Variants in CREB5 observed in about 807,000 individuals in gnomAD.
CREB5 encodes cAMP responsive element binding protein 5, also known as cyclic AMP-responsive element-binding protein 5.
A neutral mutation model predicts 57.1 loss-of-function variants in CREB5; 19 were observed. The ratio of observed to expected loss-of-function variants is 0.33; its 90% CI spans 0.23 to 0.49. CREB5 has a LOEUF of 0.49. CREB5 is among the 20% of genes least tolerant of loss of function. The probability of loss-of-function intolerance (pLI) is 0.99; values close to 1 mark genes in which losing one functional copy is unlikely to be tolerated. For missense variants in CREB5, 579 were observed against 671.6 expected, an observed-to-expected ratio of 0.86 and a Z score of 1.52; for synonymous variants, 238 against 238.3, an observed-to-expected ratio of 1.00 and a Z score of 0.01.
chr7:28,755,701 A>G (rs925730769), intron 7 of CREB5, among the ~76,000 whole-genome samples: 3 of 152,220 alleles, frequency 2.0e-5, no homozygotes, highest in Non-Finnish European at 4.4e-5. Flanking sequence ...GGCAGTGTTA[A>G]ACAATGATTA....
intron 3 of CREB5, among the ~76,000 whole-genome samples, 180 bp from the exon 4 acceptor site, chr7:28,507,436 T>C (rs1331287256): frequency 6.6e-6 from 1 of 152,198 alleles, no homozygotes; most frequent in African/African-American, 2.4e-5. Context: ...GTATTCCTGC[T>C]TCGGAATTTA....
intron 1 of CREB5, among the ~76,000 whole-genome samples, chr7:28,481,187 C>T (rs1791315012): frequency 1.3e-5 from 2 of 152,160 alleles, no homozygotes; most frequent in African/African-American, 4.8e-5. Flanking sequence ...TTTGGAAATC[C>T]TTCCTCCTGG....
intron 7 of CREB5, among the ~76,000 whole-genome samples, chr7:28,743,573 T>TTTG (rs1412756730): frequency 6.6e-6 from 1 of 152,106 alleles, no homozygotes; most frequent in Non-Finnish European, 1.5e-5. Flanking sequence ...TAGGAAACTG[T>TTTG]TTGTTTCTGT....
intron 5 of CREB5, among the ~76,000 whole-genome samples, chr7:28,668,961 C>T (rs184267569): frequency 3.9e-5 from 6 of 152,252 alleles, no homozygotes; most frequent in East Asian, 3.9e-4. Context: ...TCTGAGGCCC[C>T]GTGTAGTGGT....
chr7:28,795,133 C>A (rs1027263776), intron 7 of CREB5, among the ~76,000 whole-genome samples: 1 of 152,180 alleles, frequency 6.6e-6, no homozygotes, highest in Non-Finnish European at 1.5e-5. Context: ...ATCACATCAG[C>A]TGTTTTGATG....
At chr7:28,525,076 T>A (rs1195841801) in intron 4 of CREB5, among the ~76,000 whole-genome samples, 6 of 150,212 alleles carry the variant, frequency 4.0e-5, no homozygotes, top group Non-Finnish European at 7.4e-5. Context: ...TGAGAACACA[T>A]GATATTTATC....
chr7:28,784,743 T>C (rs1256403716), intron 7 of CREB5, among the ~76,000 whole-genome samples: 3 of 152,174 alleles, frequency 2.0e-5, no homozygotes, highest in Admixed American at 2.0e-4. Context: ...TGTGATGTGG[T>C]TGATGAGCGA....
At chr7:28,470,420 GCTGAATAGTA>G (rs1454202472) in intron 1 of CREB5, among the ~76,000 whole-genome samples, 1 of 152,020 alleles carries the variant, frequency 6.6e-6, no homozygotes, top group Non-Finnish European at 1.5e-5. Context: ...CTTTTTTATG[GCTGAATAGTA>G]CTCCATTGTG....
intron 1 of CREB5, among the ~76,000 whole-genome samples, chr7:28,348,404 T>A (rs2391657): frequency 1.6e-4 from 5 of 30,770 alleles, no homozygotes; most frequent in African/African-American, 4.8e-4. Flanking sequence ...TCTGTCTCTC[T>A]CTCTCACACA....
rs556787252 is a variant in CREB5 at position 28,475,573 on chromosome 7, C to CT, written c.4-12593dup. Among the ~76,000 whole-genome samples the CT allele has an allele frequency of 2.5e-4, 38 of 150,540 alleles. No individual in the cohort carries two copies. The East Asian group carries it at 4.5e-3, about 18-fold the overall frequency. Reference sequence around the variant, plus strand: ...ATGTAATAATGAAAAGAAGATTTGGCTTTTTTTTTAATAGTTCAAGTGGAG... The same window carrying CT: ...ATGTAATAATGAAAAGAAGATTTGGCTTTTTTTTTTAATAGTTCAAGTGGAG... On this transcript the variant is annotated intron_variant, in intron 1 of 10. Transcript: ENST00000357727.
At position 28,736,001 on chromosome 7, in the gene CREB5, G is replaced by A. The variant is rs1467108662; in HGVS notation, c.702+11669G>A. ...AAATTTTTTACAGAGACAGGGTCTC[G>A]CGATGTTGACCAGTCTCAAACTCCT... On this transcript the variant is annotated intron_variant, in intron 7 of 10. Transcript: ENST00000357727. Among the ~76,000 whole-genome samples, 4 of 151,342 alleles carry A rather than the reference G, an allele frequency of 2.6e-5. No homozygotes were observed. In the South Asian group the frequency reaches 8.3e-4, roughly 32 times the overall value.
At chr7:28,655,974 G>A (rs541087171) in intron 5 of CREB5, among the ~76,000 whole-genome samples, 19 of 151,986 alleles carry the variant, frequency 1.3e-4, no homozygotes, top group African/African-American at 4.6e-4. Context: ...CAAAGAAAAG[G>A]CAGGGAAAAA....
chr7:28,617,958 C>T (rs1056478232), intron 5 of CREB5, among the ~76,000 whole-genome samples: 2 of 152,138 alleles, frequency 1.3e-5, no homozygotes, highest in African/African-American at 4.8e-5. Context: ...AGGGCAGAGA[C>T]ATTTGACATA....
At chr7:28,681,879 G>T (rs1308247409) in intron 5 of CREB5, among the ~76,000 whole-genome samples, 2 of 152,106 alleles carry the variant, frequency 1.3e-5, no homozygotes, top group Non-Finnish European at 2.9e-5. Flanking sequence ...AGGTTTAAGT[G>T]GTACAATGAC....
At chr7:28,600,338 G>T (rs58896911) in intron 5 of CREB5, among the ~76,000 whole-genome samples, 12,412 of 151,234 alleles carry the variant, frequency 0.082, 582 homozygotes, top group Non-Finnish European at 0.098. Context: ...AAACTCGCAG[G>T]CGCAAGACCT....
chr7:28,408,968 C>T (rs1244459840), upstream of CREB5, among the ~76,000 whole-genome samples: 1 of 152,078 alleles, frequency 6.6e-6, no homozygotes, highest in African/African-American at 2.4e-5. Context: ...CCCCTACCCC[C>T]ATCCCTACAC....
At chr7:28,418,390 G>A (rs891439749) in intron 1 of CREB5, among the ~76,000 whole-genome samples, 9 of 152,044 alleles carry the variant, frequency 5.9e-5, no homozygotes, top group Non-Finnish European at 1.3e-4. Context: ...AACTCCTCAC[G>A]CACCTTCTTG....
chr7:28,407,036 C>T (rs1562694997), intron 1 of CREB5, among the ~76,000 whole-genome samples: 1 of 150,802 alleles, frequency 6.6e-6, no homozygotes, highest in Non-Finnish European at 1.5e-5. Flanking sequence ...AAACACAATT[C>T]TTTTTTTTCT....
chr7:28,411,675 G>A (rs1053823709), upstream of CREB5, among the ~76,000 whole-genome samples: 2 of 152,154 alleles, frequency 1.3e-5, no homozygotes, highest in Non-Finnish European at 2.9e-5. Context: ...TTTGGAGTTG[G>A]TGAAAACTAA....
Sources: gnomAD v4.1 joint callset for allele counts (sites outside exome capture counted in the v4.1 genomes callset) on GRCh38, gnomAD v4.1.1 for gene constraint, MANE v1.5 for transcripts, NCBI Gene and HGNC (gene_info 2026-07-23, HGNC 2026-07-21) for gene names.